SLC9C1: variants seen among roughly 807,000 people sequenced by gnomAD.
SLC9C1 encodes solute carrier family 9 member C1.
In SLC9C1, 97 loss-of-function variants were observed where a neutral mutation model predicts 140.9. The observed-to-expected ratio is 0.69, with a 90% CI of 0.58 to 0.82. The LOEUF is 0.82. Among genes scored for constraint, SLC9C1 ranks in the 40% least tolerant of loss-of-function variants. The probability of loss-of-function intolerance (pLI) is 0.00; values close to 1 mark genes in which losing one functional copy is unlikely to be tolerated. For missense variants in SLC9C1, 1,340 were observed against 1,389.3 expected, an observed-to-expected ratio of 0.96 and a Z score of 0.56; for synonymous variants, 440 against 442.6, an observed-to-expected ratio of 0.99 and a Z score of 0.07.
rs147235362 is a variant in SLC9C1, at chr3:112,204,237, C to T, written c.2153G>A (p.Arg718His). 9.5e-5 allele frequency: 142 copies of T among 1,501,214 alleles called. No individual in the cohort carries two copies. The highest frequency in any genetic ancestry group is 7.4e-4 in the South Asian group (53 of 71,880). The allele number at this position is 1,501,214 out of a possible 1,614,324, so 93.0% of individuals were successfully genotyped here. A position where few individuals can be genotyped will look rare whatever the true frequency, so the allele number is the denominator to read the frequency against. ...IVFIKVVQFF[R>H]ILRIFKLIAP... is the part of the protein sequence containing the mutation. ...CTTTACCTTGAAAATGCGTAGTATA[C>T]GAAAAAATTGAACAACTTTTATAAA... Residue 718 changes from arginine (R) to histidine (H), a missense_variant, in exon 17 of 29, where the codon CGT (arginine) becomes CAT (histidine). Transcript: ENST00000305815.
intron 15 of SLC9C1, among the ~76,000 whole-genome samples, chr3:112,211,375 C>T (rs2078198729): frequency 9.6e-6 from 1 of 104,412 alleles, no homozygotes; most frequent in African/African-American, 3.4e-5. Flanking sequence ...ACAGTGGGTG[C>T]AGTGCACCGA....
chr3:112,148,315 T>C (rs1293811218), intron 28 of SLC9C1, among the ~76,000 whole-genome samples: 1 of 152,198 alleles, frequency 6.6e-6, no homozygotes, highest in Non-Finnish European at 1.5e-5. Flanking sequence ...AATCCTTTAG[T>C]GGTGTTACTA....
chr3:112,173,917 C>A (rs2077290473), intron 23 of SLC9C1, among the ~76,000 whole-genome samples: 1 of 152,212 alleles, frequency 6.6e-6, no homozygotes, highest in Admixed American at 6.5e-5. Flanking sequence ...TAAGCATTCC[C>A]TTTTCTCCAC....
At chr3:112,149,874 C>T (rs752499115) in intron 28 of SLC9C1, among the ~76,000 whole-genome samples, 1 of 151,928 alleles carries the variant, frequency 6.6e-6, no homozygotes, top group Admixed American at 6.6e-5. Context: ...TGAATGAGTG[C>T]TCCACATACC....
In SLC9C1 at chr3:112,266,287, A is replaced by G. The variant is rs1312969839; in HGVS notation, c.829T>C (p.Leu277=). Residue 277 remains leucine, a synonymous_variant, in exon 8 of 29, where the codon TTA becomes CTA. Transcript: ENST00000305815. ...GCTGCTTTAAAACTTGTAGAATTTA[A>G]AAGAAGTCCCACAATGGCCAGAGTA... ...IFTLAIVGLL[L]NSTSFKAAIE... 1.6e-5 allele frequency: 25 copies of G among 1,611,434 alleles called. No individual in the cohort carries two copies. Among genetic ancestry groups the G allele is most frequent in the Non-Finnish European group, 2.1e-5 (25 of 1,179,032 alleles).
intron 13 of SLC9C1, among the ~76,000 whole-genome samples, chr3:112,229,104 T>C (rs2078755023): frequency 6.6e-6 from 1 of 152,106 alleles, no homozygotes. Flanking sequence ...TTCTCACTCA[T>C]ATATGGAAGC....
At chr3:112,179,363 CT>C (rs1300826846) in intron 23 of SLC9C1, among the ~76,000 whole-genome samples, 167 bp downstream of exon 23, 1 of 151,942 alleles carries the variant, frequency 6.6e-6, no homozygotes, top group Non-Finnish European at 1.5e-5. Context: ...TTTGCCAGGG[CT>C]TTATACTAGA....
rs780504122 is a variant in SLC9C1, at chr3:112,263,027, A to C, written c.1094T>G (p.Phe365Cys). 3.1e-6 allele frequency: 5 copies of C among 1,607,988 alleles called. No individual in the cohort carries two copies. The highest frequency in any genetic ancestry group is 4.2e-6 in the Non-Finnish European group (5 of 1,177,200). ...VGHEFSWRWI[F>C]IMVCSEMKGM... ...CTTCATTTCACTACAGACCATTATGAATATCCAGCGCCAACTGAACTCATG... is the reference window on the plus strand; with the variant it reads ...CTTCATTTCACTACAGACCATTATGCATATCCAGCGCCAACTGAACTCATG... The change falls in exon 10 of 29, where the codon TTC becomes TGC. Residue 365 changes from phenylalanine to cysteine, a missense_variant. Phe to Cys is a radical substitution (Grantham distance 205). Coordinates refer to ENST00000305815, the MANE Select transcript of SLC9C1 (RefSeq NM_183061.3).
At chr3:112,201,907 C>G (rs1484195959) in intron 18 of SLC9C1, among the ~76,000 whole-genome samples, 2 of 151,958 alleles carry the variant, frequency 1.3e-5, no homozygotes, top group Non-Finnish European at 2.9e-5. Flanking sequence ...TCCACCCTGC[C>G]TTCACTTCTC....
Position 112,286,708 on chromosome 3 carries a change from A to G in SLC9C1, c.84T>C (p.Ile28=). 1 of 1,611,454 alleles carries G rather than the reference A, an allele frequency of 6.2e-7. No individual in the cohort carries two copies. The highest frequency in any genetic ancestry group is 8.5e-7 in the Non-Finnish European group (1 of 1,178,700). The part of the protein sequence containing the change: ...VILTLSLISS[I]GAFLNRHLED... ...TAAAGAGAGAGTGATACTTACCTCC[A>G]ATGGAGCTGATCAAAGACAATGTTA... Residue 28 remains isoleucine (I), a synonymous_variant, in exon 2 of 29, where the codon ATT becomes ATC. Coordinates refer to ENST00000305815, the MANE Select transcript of SLC9C1 (RefSeq NM_183061.3).
intron 6 of SLC9C1, among the ~76,000 whole-genome samples, chr3:112,271,393 GTATA>G (rs57918598): frequency 8.0e-6 from 1 of 125,560 alleles, no homozygotes. Context: ...ATTCTACATT[GTATA>G]TATATATATA....
intron 27 of SLC9C1, among the ~76,000 whole-genome samples, chr3:112,153,081 G>A (rs1196810807): frequency 6.6e-6 from 1 of 152,150 alleles, no homozygotes; most frequent in Non-Finnish European, 1.5e-5. Context: ...TAGGATCCTG[G>A]GAAGAGAACT....
At chr3:112,220,552 C>T (rs1195034887) in intron 14 of SLC9C1, among the ~76,000 whole-genome samples, 4 of 152,210 alleles carry the variant, frequency 2.6e-5, no homozygotes, top group African/African-American at 9.6e-5. Context: ...TGCAGTTGCA[C>T]TGCAGTTTAA....
chr3:112,251,323 T>G (rs1332475695), intron 10 of SLC9C1, among the ~76,000 whole-genome samples: 1 of 152,008 alleles, frequency 6.6e-6, no homozygotes, highest in Non-Finnish European at 1.5e-5. Context: ...AGTGACTGAT[T>G]CCGGGCACCC....
chr3:112,204,369 G>A lies in SLC9C1; in HGVS notation c.2021C>T (p.Ala674Val). The part of the protein sequence containing the change: ...AAMRKDFFSH[A>V]WNIFELAITL... ...AATTGCTAACTCGAATATGTTCCAG[G>A]CATGTGAAAAAAAGTCCTTCCTCAT... Residue 674 changes from alanine to valine, a missense_variant, in exon 17 of 29, where the codon GCC (alanine) becomes GTC (valine). By Grantham distance (64) the Ala-to-Val change is moderately conservative. Transcript: ENST00000305815. The A allele has an allele frequency of 1.3e-6, 2 of 1,569,292 alleles. No homozygotes were observed. The highest frequency in any genetic ancestry group is 1.7e-6 in the Non-Finnish European group (2 of 1,164,920).
intron 1 of SLC9C1, among the ~76,000 whole-genome samples, chr3:112,287,775 C>T (rs930562099): frequency 6.6e-6 from 1 of 152,004 alleles, no homozygotes; most frequent in Admixed American, 6.6e-5. Flanking sequence ...TGGCCGGGCA[C>T]GGTGGCTCAC....
Position 112,266,255 on chromosome 3 carries a change from T to C in SLC9C1, c.861A>G (p.Glu287=). 6.2e-7 allele frequency: 1 copy of C among 1,609,676 alleles called. No individual in the cohort carries two copies. Among genetic ancestry groups the C allele is most frequent in the Non-Finnish European group, 8.5e-7 (1 of 1,177,722 alleles). ...LNSTSFKAAI[E]ETLLLEFWTF... ...CCACTTACTCAAGAAGAAGTGTTTC[T>C]TCAATTGCTGCTTTAAAACTTGTAG... The change falls in exon 8 of 29, where the codon GAA becomes GAG. Residue 287 remains glutamate, a synonymous_variant. Coordinates refer to ENST00000305815, the MANE Select transcript of SLC9C1 (RefSeq NM_183061.3).
At chr3:112,242,154 C>A (rs1559703480) in intron 11 of SLC9C1, among the ~76,000 whole-genome samples, 1 of 152,078 alleles carries the variant, frequency 6.6e-6, no homozygotes, top group Non-Finnish European at 1.5e-5. Context: ...ATAGAGTAAA[C>A]AGACAACCTA....
At chr3:112,272,717 T>TA (rs1195258724) in intron 6 of SLC9C1, among the ~76,000 whole-genome samples, 1 of 152,228 alleles carries the variant, frequency 6.6e-6, no homozygotes, top group African/African-American at 2.4e-5. Context: ...TTACAGTTTT[T>TA]ATTCCTCTGA....
Sources: gnomAD v4.1 joint callset for allele counts (sites outside exome capture counted in the v4.1 genomes callset) on GRCh38, gnomAD v4.1.1 for gene constraint, MANE v1.5 for transcripts, NCBI Gene and HGNC (gene_info 2026-07-23, HGNC 2026-07-21) for gene names.